The following RPS6KA2 variants were observed in gnomAD, a reference collection of about 807,000 sequenced individuals.
RPS6KA2 encodes ribosomal protein S6 kinase A2.
RPS6KA2 carries 42 observed loss-of-function variants against 91.8 expected under a neutral mutation model. The ratio of observed to expected loss-of-function variants is 0.46; its 90% CI spans 0.36 to 0.59. The LOEUF is 0.59. Ranked by LOEUF, RPS6KA2 falls within the 20% of genes least tolerant of loss-of-function variation. The pLI, the probability that RPS6KA2 is intolerant of heterozygous loss-of-function variation, is 0.00. For missense variants in RPS6KA2, 798 were observed against 978.5 expected, an observed-to-expected ratio of 0.82 and a Z score of 2.46; for synonymous variants, 414 against 393.6, an observed-to-expected ratio of 1.05 and a Z score of -0.61.
chr6:166,438,020 A>G (rs1779392345), intron 14 of RPS6KA2, among the ~76,000 whole-genome samples: 1 of 152,232 alleles, frequency 6.6e-6, no homozygotes, highest in Admixed American at 6.5e-5. Flanking sequence ...AGGCTTGCAG[A>G]ACACTCCCAC....
In RPS6KA2 at chr6:166,594,291, C is replaced by A. The variant is rs189989581; in HGVS notation, c.99+32630G>T. On this transcript the variant is annotated intron_variant, in intron 1 of 20. Transcript: ENST00000265678. ...GAATCAGAGGAAATCAAAAATTTAACAAGGGTCATTCTAAAGTAGAAAATG... is the reference window on the plus strand; with the variant it reads ...GAATCAGAGGAAATCAAAAATTTAAAAAGGGTCATTCTAAAGTAGAAAATG... Among the ~76,000 whole-genome samples, 106 of 152,176 alleles carry A rather than the reference C, an allele frequency of 7.0e-4. 2 individuals carry two copies. The East Asian group carries it at 0.018, about 26-fold the overall frequency.
At chr6:166,488,972 G>T in intron 9 of RPS6KA2, 51 bp from the exon 10 acceptor site, 1 of 1,462,122 alleles carries the variant, frequency 6.8e-7, no homozygotes, top group Non-Finnish European at 9.5e-7. Flanking sequence ...ACAAGGACAA[G>T]CTATAAAGAG....
At position 166,783,051 on chromosome 6, in the gene RPS6KA2, T is replaced by TTAG. The variant is rs1460380122; in HGVS notation, c.123+75148_123+75149insCTA. Among the ~76,000 whole-genome samples the TTAG allele has an allele frequency of 8.7e-3, 14 of 1,608 alleles. 1 individual carries two copies. Among genetic ancestry groups the TTAG allele is most frequent in the African/African-American group, 9.8e-3 (14 of 1,426 alleles). 1.1% of individuals were successfully genotyped at this position (1,608 alleles called of 152,430 possible). A position where few individuals can be genotyped will look rare whatever the true frequency, so the allele number is the denominator to read the frequency against. On this transcript the variant is annotated intron_variant, in intron 2 of 21. Coordinates refer to the RPS6KA2 transcript ENST00000503859. ...CTTGCTGCAGGGTATCTTTTAGGTA[T>TTAG]TATTATTATTATTATTATTATTATT...
At chr6:166,442,611 GCAGCTC>G (rs1779555181) in intron 14 of RPS6KA2, among the ~76,000 whole-genome samples, 1 of 152,118 alleles carries the variant, frequency 6.6e-6, no homozygotes, top group African/African-American at 2.4e-5. Flanking sequence ...TCTAACGCCT[GCAGCTC>G]CTGGTCTCAG....
At chr6:166,640,430 C>G (rs190683291) in intron 2 of RPS6KA2, among the ~76,000 whole-genome samples, 1 of 152,198 alleles carries the variant, frequency 6.6e-6, no homozygotes, top group Non-Finnish European at 1.5e-5. Context: ...GAGAATAGCC[C>G]GTGTGGCAGC....
At chr6:166,725,027 T>C (rs1583052666) in intron 2 of RPS6KA2, among the ~76,000 whole-genome samples, 1 of 152,314 alleles carries the variant, frequency 6.6e-6, no homozygotes, top group Non-Finnish European at 1.5e-5. Flanking sequence ...TCTCACCTCA[T>C]CTTCCACTGT....
At position 166,798,513 on chromosome 6, in the gene RPS6KA2, C is replaced by T. The variant is rs571702418; in HGVS notation, c.123+59687G>A. 3.3e-5 allele frequency among the ~76,000 whole-genome samples: 5 copies of T among 152,348 alleles called. No homozygotes were observed. In the South Asian group the frequency reaches 6.2e-4, roughly 19 times the overall value. ...CAAACAGCGTCTCTGCAGATCTGAG[C>T]GCTCCCTGTTCCGGCTGCAGGAGGC... On this transcript the variant is annotated intron_variant, in intron 2 of 21. Coordinates refer to the RPS6KA2 transcript ENST00000503859.
chr6:166,698,360 G>A (rs1789413672), intron 2 of RPS6KA2, among the ~76,000 whole-genome samples: 1 of 152,194 alleles, frequency 6.6e-6, no homozygotes, highest in Non-Finnish European at 1.5e-5. Context: ...CTGGTGGGAA[G>A]CAAGGTCAAC....
chr6:166,701,031 T>G lies in RPS6KA2; in HGVS notation c.123+157169A>C, dbSNP rs866599626. On this transcript the variant is annotated intron_variant, in intron 2 of 21. Transcript: ENST00000503859. Reference sequence around the variant, plus strand: ...TCTGGATAGGGGGTCAGCGCCTGTCTGTTTGTTAAGCAATCTGTCTTTGGT... The same window carrying G: ...TCTGGATAGGGGGTCAGCGCCTGTCGGTTTGTTAAGCAATCTGTCTTTGGT... 28 of 1,246,158 alleles carry G rather than the reference T, an allele frequency of 2.2e-5. No individual in the cohort carries two copies. In the African/African-American group the frequency reaches 3.9e-4, roughly 17 times the overall value. The allele number at this position is 1,246,158 out of a possible 1,614,324, so 77.2% of individuals were successfully genotyped here.
chr6:166,853,264 C>A (rs958926384), intron 2 of RPS6KA2, among the ~76,000 whole-genome samples: 18 of 152,154 alleles, frequency 1.2e-4, no homozygotes, highest in South Asian at 8.3e-4. Flanking sequence ...TATAGTGAGA[C>A]CCTGTGTCTA....
rs1781541614 is a variant in RPS6KA2, at chr6:166,490,244, T to A, written c.818+427A>T. Among the ~76,000 whole-genome samples the A allele has an allele frequency of 6.6e-6, 1 of 152,192 alleles. No homozygotes were observed. The highest frequency in any genetic ancestry group is 2.1e-4 in the South Asian group (1 of 4,826). On this transcript the variant is annotated intron_variant, in intron 9 of 20. Coordinates refer to ENST00000265678, the MANE Select transcript of RPS6KA2 (RefSeq NM_021135.6). The surrounding 1 kb of genome is among the most constrained non-coding windows in gnomAD (Gnocchi z 4.2). Reference sequence around the variant, plus strand: ...CAGGTGGGGAGGGAAAGGAGACCCCTGCTCCTGTGATCTCTCCGGACAAGG... The same window carrying A: ...CAGGTGGGGAGGGAAAGGAGACCCCAGCTCCTGTGATCTCTCCGGACAAGG...
chr6:166,553,572 A>T (rs1196605099), intron 1 of RPS6KA2, among the ~76,000 whole-genome samples: 2 of 150,646 alleles, frequency 1.3e-5, no homozygotes, highest in Non-Finnish European at 2.9e-5. Flanking sequence ...CTGACTGGGC[A>T]GAGTGGGAAG....
intron 11 of RPS6KA2, among the ~76,000 whole-genome samples, chr6:166,469,248 C>A (rs1456178148): frequency 6.6e-6 from 1 of 151,794 alleles, no homozygotes; most frequent in East Asian, 1.9e-4. Context: ...CAGCCTGGCC[C>A]AGAGAACTGG....
intron 2 of RPS6KA2, among the ~76,000 whole-genome samples, chr6:166,833,402 T>C (rs1313246622): frequency 6.6e-6 from 1 of 152,280 alleles, no homozygotes; most frequent in African/African-American, 2.4e-5. Flanking sequence ...GTCAGATTTA[T>C]TGAAGTTTAA....
intron 1 of RPS6KA2, among the ~76,000 whole-genome samples, chr6:166,544,956 G>A (rs963948222): frequency 2.0e-5 from 3 of 152,184 alleles, no homozygotes; most frequent in Non-Finnish European, 4.4e-5. Context: ...TGACATGGGC[G>A]CTTGCTGGAA....
At chr6:166,685,684 C>G (rs1788990293) in intron 2 of RPS6KA2, among the ~76,000 whole-genome samples, 1 of 152,172 alleles carries the variant, frequency 6.6e-6, no homozygotes, top group Admixed American at 6.5e-5. Context: ...CACTCTTCAC[C>G]CTCACGACAA....
At chr6:166,441,942 T>C (rs369312336) in intron 14 of RPS6KA2, among the ~76,000 whole-genome samples, 1 of 152,284 alleles carries the variant, frequency 6.6e-6, no homozygotes, top group African/African-American at 2.4e-5. Context: ...CACTGTGCCT[T>C]TGGAGGTGAA....
At chr6:166,633,974 C>T (rs984540434) in intron 2 of RPS6KA2, among the ~76,000 whole-genome samples, 14 of 152,152 alleles carry the variant, frequency 9.2e-5, no homozygotes, top group Admixed American at 3.3e-4. Flanking sequence ...CAAGTGGAGA[C>T]GAGAGCAGAA....
chr6:166,831,268 C>G (rs981252633), intron 2 of RPS6KA2, among the ~76,000 whole-genome samples: 1 of 152,216 alleles, frequency 6.6e-6, no homozygotes, highest in Non-Finnish European at 1.5e-5. Context: ...CTGCTCCACG[C>G]ATCCAGGACC....
Sources: gnomAD v4.1 joint callset for allele counts (sites outside exome capture counted in the v4.1 genomes callset) on GRCh38, gnomAD v4.1.1 for gene constraint, Gnocchi (gnomAD v3.1) non-coding constraint, MANE v1.5 for transcripts, NCBI Gene and HGNC (gene_info 2026-07-23, HGNC 2026-07-21) for gene names.